FANCC: variants seen among roughly 807,000 people sequenced by gnomAD.
The protein encoded by FANCC is FA complementation group C.
FANCC carries 55 observed loss-of-function variants against 71.3 expected under a neutral mutation model. The ratio of observed to expected loss-of-function variants is 0.77; its 90% CI spans 0.62 to 0.97. The LOEUF (loss-of-function observed/expected upper bound fraction) is 0.97, where lower values mean the gene tolerates loss of function less well. Among genes scored for constraint, FANCC ranks in the 50% least tolerant of loss-of-function variants. FANCC has a pLI of 0.00. For missense variants in FANCC, 678 were observed against 670.9 expected (o/e 1.01, Z -0.12); for synonymous variants, 275 against 244.9 (o/e 1.12, Z -1.15).
intron 1 of FANCC, among the ~76,000 whole-genome samples, chr9:95,266,039 G>A (rs1450999164): frequency 6.6e-6 from 1 of 152,192 alleles, no homozygotes; most frequent in Non-Finnish European, 1.5e-5. Flanking sequence ...GGAAGCATGA[G>A]CAGGAGTGAG....
chr9:95,151,331 A>C (rs1040272579), intron 6 of FANCC, among the ~76,000 whole-genome samples: 2 of 152,174 alleles, frequency 1.3e-5, no homozygotes, highest in African/African-American at 4.8e-5. Context: ...TCTCCAGTGA[A>C]TGATAAATAA....
intron 6 of FANCC, 74 bp downstream of exon 6, chr9:95,171,005 G>A (rs1017388194): frequency 2.7e-6 from 3 of 1,115,250 alleles, no homozygotes; most frequent in East Asian, 2.4e-5. Flanking sequence ...CCTATGAATT[G>A]TAAAATTTTC....
rs571548182 is a variant in FANCC at position 95,135,456 on chromosome 9, G to A, written c.733C>T (p.Arg245Trp). ...PMSAVVCLWLRHLPSLEKAML... is the reference protein window; with the variant it reads ...PMSAVVCLWLWHLPSLEKAML... ...GCTTTTTCAAGGCTGGGAAGGTGCC[G>A]AAGCCAGAGGCAGACTACAGCTGAC... Residue 245 changes from arginine to tryptophan, a missense_variant, in exon 8 of 15, where the codon CGG becomes TGG. By Grantham distance (101) the Arg-to-Trp change is moderately radical (BLOSUM62 -3). Transcript: ENST00000289081. 38 of 1,614,040 alleles carry A rather than the reference G, an allele frequency of 2.4e-5. No homozygotes were observed. The East Asian group carries it at 3.6e-4, about 15-fold the overall frequency.
intron 1 of FANCC, among the ~76,000 whole-genome samples, chr9:95,273,271 A>C (rs1213624898): frequency 6.6e-6 from 1 of 152,160 alleles, no homozygotes; most frequent in African/African-American, 2.4e-5. Context: ...CTGATTATCA[A>C]CCTTGGTTTT....
intron 10 of FANCC, among the ~76,000 whole-genome samples, chr9:95,120,023 A>C (rs1301583069): frequency 2.0e-5 from 3 of 152,128 alleles, no homozygotes; most frequent in African/African-American, 7.2e-5. Flanking sequence ...AAAAGTTTTA[A>C]ATTCTGATGA....
At chr9:95,249,528 G>A (rs1405371986) in intron 1 of FANCC, among the ~76,000 whole-genome samples, 159 bp from the exon 2 acceptor site, 1 of 152,154 alleles carries the variant, frequency 6.6e-6, no homozygotes, top group Non-Finnish European at 1.5e-5. Context: ...TCATCCAGCT[G>A]GAGCTCCAAT....
intron 11 of FANCC, among the ~76,000 whole-genome samples, chr9:95,115,652 T>G (rs1014409543): frequency 2.0e-5 from 3 of 152,206 alleles, no homozygotes; most frequent in African/African-American, 7.2e-5. Context: ...AGTTTTCACA[T>G]AGTGATAGAT....
rs574374501 is a variant in FANCC at position 95,262,940 on chromosome 9, G to A, written c.-78-13571C>T. Among the ~76,000 whole-genome samples, 3 of 152,290 alleles carry A rather than the reference G, an allele frequency of 2.0e-5. No homozygotes were observed. In the East Asian group the frequency reaches 5.8e-4, roughly 29 times the overall value. On this transcript the variant is annotated intron_variant, in intron 1 of 14. Transcript: ENST00000289081. ...TCACAGAGGCAAATTAATTCATGAGGGGAGACAGTAATGGAATGTTACTGC... is the reference window on the plus strand; with the variant it reads ...TCACAGAGGCAAATTAATTCATGAGAGGAGACAGTAATGGAATGTTACTGC...
intron 6 of FANCC, among the ~76,000 whole-genome samples, chr9:95,157,960 T>C (rs532388172): frequency 6.6e-6 from 1 of 152,302 alleles, no homozygotes; most frequent in South Asian, 2.1e-4. Context: ...CAGTCCCCAG[T>C]AATAATCTCT....
chr9:95,212,531 C>T (rs946261505), intron 4 of FANCC, among the ~76,000 whole-genome samples: 13 of 151,954 alleles, frequency 8.6e-5, no homozygotes, highest in African/African-American at 3.1e-4. Context: ...TGAAATAAGG[C>T]CTCTTTCCGA....
chr9:95,121,936 C>A (rs936751356), intron 10 of FANCC, among the ~76,000 whole-genome samples: 1 of 151,326 alleles, frequency 6.6e-6, no homozygotes, highest in Non-Finnish European at 1.5e-5. Flanking sequence ...CAGCTCACTG[C>A]AAGCTCCGCC....
intron 14 of FANCC, among the ~76,000 whole-genome samples, chr9:95,104,175 C>T (rs994009337): frequency 2.0e-5 from 3 of 152,204 alleles, no homozygotes; most frequent in East Asian, 3.8e-4. Context: ...AGGGATCCTT[C>T]CCCAGAGGCC....
chr9:95,256,656 C>T (rs1009696400), intron 1 of FANCC, among the ~76,000 whole-genome samples: 5 of 152,160 alleles, frequency 3.3e-5, no homozygotes, highest in African/African-American at 1.2e-4. Flanking sequence ...CAGCTAGCAT[C>T]ACAATGATAG....
intron 6 of FANCC, among the ~76,000 whole-genome samples, chr9:95,165,248 A>T (rs1314957571): frequency 6.7e-6 from 1 of 149,496 alleles, no homozygotes; most frequent in Non-Finnish European, 1.5e-5. Context: ...TCTCTATTTT[A>T]TTTATTTCTG....
At chr9:95,315,303 G>C (rs1473089194) in intron 1 of FANCC, among the ~76,000 whole-genome samples, 1 of 152,184 alleles carries the variant, frequency 6.6e-6, no homozygotes, top group Non-Finnish European at 1.5e-5. Context: ...ACAGTTCACT[G>C]TGGCCTCGAC....
chr9:95,135,980 T>C (rs1827625138), intron 7 of FANCC, among the ~76,000 whole-genome samples: 1 of 152,206 alleles, frequency 6.6e-6, no homozygotes, highest in Non-Finnish European at 1.5e-5. Flanking sequence ...AATGGGCCTA[T>C]CTCCTTCACA....
chr9:95,237,181 G>A (rs1206705265), intron 4 of FANCC, among the ~76,000 whole-genome samples: 2 of 152,166 alleles, frequency 1.3e-5, no homozygotes, highest in African/African-American at 4.8e-5. Context: ...CTTGGTAACT[G>A]AGGAAGGAAA....
At chr9:95,266,220 T>C (rs1409830043) in intron 1 of FANCC, among the ~76,000 whole-genome samples, 1 of 152,232 alleles carries the variant, frequency 6.6e-6, no homozygotes, top group Non-Finnish European at 1.5e-5. Context: ...GTAAAACCTT[T>C]ATGCTTGTAA....
intron 3 of FANCC, among the ~76,000 whole-genome samples, chr9:95,245,837 C>A (rs1331042215): frequency 6.7e-6 from 1 of 149,954 alleles, no homozygotes; most frequent in Non-Finnish European, 1.5e-5. Context: ...GCAGAGGTTG[C>A]GGTGAGCCGA....
Sources: gnomAD v4.1 joint callset for allele counts (sites outside exome capture counted in the v4.1 genomes callset) on GRCh38, gnomAD v4.1.1 for gene constraint, MANE v1.5 for transcripts, NCBI Gene and HGNC (gene_info 2026-07-23, HGNC 2026-07-21) for gene names.